Variants in NBAS observed in about 807,000 individuals in gnomAD.
NBAS encodes the protein NBAS subunit of NRZ tethering complex.
NBAS carries 219 observed loss-of-function variants against 302.5 expected under a neutral mutation model. That is an observed-to-expected ratio of 0.72 (90% CI 0.65 to 0.81). The LOEUF (loss-of-function observed/expected upper bound fraction) is 0.81. Among genes scored for constraint, NBAS ranks in the 30% least tolerant of loss-of-function variants. NBAS has a pLI of 0.00. For synonymous variants in NBAS, 1,118 were observed against 1,021.6 expected (o/e 1.09, Z -1.80); for missense variants, 2,932 against 2,841.6 (o/e 1.03, Z -0.72).
the NBAS span, among the ~76,000 whole-genome samples, chr2:15,132,853 T>TA: frequency 2.2e-5 from 3 of 138,438 alleles, no homozygotes; most frequent in Non-Finnish European, 3.3e-5. Context: ...TATATACACA[T>TA]ACAAACACAC....
At chr2:15,156,527 T>C in the NBAS span, among the ~76,000 whole-genome samples, 1 of 152,180 alleles carries the variant, frequency 6.6e-6, no homozygotes, top group Non-Finnish European at 1.5e-5. Context: ...TCCTCATAGA[T>C]GGTGGTTTCT....
At chr2:15,081,090 G>A in the NBAS span, among the ~76,000 whole-genome samples, 2 of 151,842 alleles carry the variant, frequency 1.3e-5, no homozygotes, top group African/African-American at 4.8e-5. Flanking sequence ...TCACACATAT[G>A]CCCAAGATCC....
chr2:15,222,775 C>T (rs1667003063), intron 47 of NBAS, among the ~76,000 whole-genome samples: 1 of 152,170 alleles, frequency 6.6e-6, no homozygotes, highest in Admixed American at 6.5e-5. Flanking sequence ...CTATGCAATG[C>T]TACTGAACCA....
the NBAS span, among the ~76,000 whole-genome samples, chr2:14,838,467 C>A: frequency 6.6e-6 from 1 of 151,850 alleles, no homozygotes; most frequent in African/African-American, 2.4e-5. Context: ...TTTCTCTTAA[C>A]TTTTATCTGG....
chr2:15,408,612 T>G (rs1676535991), intron 25 of NBAS, among the ~76,000 whole-genome samples: 1 of 152,218 alleles, frequency 6.6e-6, no homozygotes, highest in East Asian at 1.9e-4. Flanking sequence ...AAGTCTTTTT[T>G]ACATTCACAT....
chr2:15,062,629 T>C, the NBAS span, among the ~76,000 whole-genome samples: 2 of 152,288 alleles, frequency 1.3e-5, no homozygotes, highest in South Asian at 4.1e-4. Context: ...GTGAGGACAA[T>C]GGTTTTGCAT....
At position 15,276,962 on chromosome 2, in the gene NBAS, G is replaced by T; in HGVS notation, c.5278C>A (p.Gln1760Lys). 1 of 1,613,988 alleles carries T rather than the reference G, an allele frequency of 6.2e-7. No homozygotes were observed. The highest frequency in any genetic ancestry group is 1.1e-5 in the South Asian group (1 of 91,068). ...TIGGFDHERL[Q>K]YYFTLLENCG... ...TTTTCCAGAAGAGTGAAATAATACT[G>T]CAGCCTTTCGTGATCAAAGCCACCA... Residue 1760 changes from glutamine (Q) to lysine (K), a missense_variant, in exon 43 of 52, where the codon CAG becomes AAG. Coordinates refer to ENST00000281513, the MANE Select transcript of NBAS (RefSeq NM_015909.4).
At chr2:14,954,715 G>C in the NBAS span, among the ~76,000 whole-genome samples, 2 of 152,148 alleles carry the variant, frequency 1.3e-5, no homozygotes, top group African/African-American at 2.4e-5. Flanking sequence ...TCAAGCAAAA[G>C]GGGAAGCCCC....
the NBAS span, among the ~76,000 whole-genome samples, chr2:15,049,670 G>C: frequency 6.6e-6 from 1 of 152,238 alleles, no homozygotes; most frequent in Non-Finnish European, 1.5e-5. Flanking sequence ...GGAGCAGCCA[G>C]AAAGAGGGCC....
At chr2:14,793,286 C>G in the NBAS span, among the ~76,000 whole-genome samples, 1 of 152,040 alleles carries the variant, frequency 6.6e-6, no homozygotes, top group Admixed American at 6.6e-5. Flanking sequence ...TTGATTAAAA[C>G]AAACAGTCAT....
chr2:15,311,741 G>C (rs751983585), intron 38 of NBAS, among the ~76,000 whole-genome samples: 1 of 152,044 alleles, frequency 6.6e-6, no homozygotes, highest in Non-Finnish European at 1.5e-5. Context: ...ACCTCTCTAC[G>C]GAAGAAGTTA....
chr2:14,856,302 C>A, the NBAS span, among the ~76,000 whole-genome samples: 28 of 152,282 alleles, frequency 1.8e-4, no homozygotes, highest in African/African-American at 6.7e-4. Context: ...TTTTAAATAT[C>A]TGAAAAGCCT....
At chr2:15,484,835 T>A (rs1371186563) in intron 12 of NBAS, among the ~76,000 whole-genome samples, 3 of 152,206 alleles carry the variant, frequency 2.0e-5, no homozygotes, top group African/African-American at 7.2e-5. Flanking sequence ...TTGAACTTTA[T>A]TATTTCACCA....
chr2:15,407,726 T>C (rs1044559842), intron 25 of NBAS, among the ~76,000 whole-genome samples: 1 of 152,228 alleles, frequency 6.6e-6, no homozygotes, highest in African/African-American at 2.4e-5. Flanking sequence ...TATTTGTAGT[T>C]TTCTGTATTT....
chr2:15,385,407 G>A (rs1325627777), intron 28 of NBAS, among the ~76,000 whole-genome samples: 1 of 152,166 alleles, frequency 6.6e-6, no homozygotes, highest in Non-Finnish European at 1.5e-5. Flanking sequence ...CAACACTGGG[G>A]CAGATGGTAC....
chr2:15,195,891 C>CA (rs1665597614), intron 48 of NBAS, among the ~76,000 whole-genome samples: 2 of 152,224 alleles, frequency 1.3e-5, no homozygotes, highest in South Asian at 4.1e-4. Context: ...ACTGCGCACA[C>CA]AGCCCCTTCC....
chr2:15,323,220 T>A (rs1572655583), intron 38 of NBAS, among the ~76,000 whole-genome samples: 1 of 152,304 alleles, frequency 6.6e-6, no homozygotes, highest in South Asian at 2.1e-4. Flanking sequence ...TACGCTCAGT[T>A]CACTGGCCCA....
rs544017300 is a variant in NBAS, at chr2:15,281,484, G to A, written c.5139-4383C>T. On this transcript the variant is annotated intron_variant, in intron 42 of 51. Coordinates refer to ENST00000281513, the MANE Select transcript of NBAS (RefSeq NM_015909.4). Reference sequence around the variant, plus strand: ...TCAGATGTGCAATGTTAGGTTGCCAGGGCCATGTGATGGGTCTGGTAAATC... The same window carrying A: ...TCAGATGTGCAATGTTAGGTTGCCAAGGCCATGTGATGGGTCTGGTAAATC... Among the ~76,000 whole-genome samples, 4 of 152,292 alleles carry A rather than the reference G, an allele frequency of 2.6e-5. No homozygotes were observed. In the East Asian group the frequency reaches 7.7e-4, roughly 29 times the overall value.
the NBAS span, among the ~76,000 whole-genome samples, chr2:15,151,234 A>G: frequency 7.2e-5 from 11 of 152,310 alleles, no homozygotes; most frequent in East Asian, 1.9e-3. Flanking sequence ...TAAGTGAAAA[A>G]CAAGGGGCCA....
Sources: gnomAD v4.1 joint callset for allele counts (sites outside exome capture counted in the v4.1 genomes callset) on GRCh38, gnomAD v4.1.1 for gene constraint, MANE v1.5 for transcripts, NCBI Gene and HGNC (gene_info 2026-07-23, HGNC 2026-07-21) for gene names.